DMD: variants seen among roughly 807,000 people sequenced by gnomAD.
The protein encoded by DMD is mutant dystrophin.
DMD carries 63 observed loss-of-function variants against 330.1 expected under a neutral mutation model. The observed-to-expected ratio is 0.19, with a 90% CI of 0.16 to 0.24. DMD has a LOEUF of 0.24. Ranked by LOEUF, DMD falls within the 10% of genes least tolerant of loss-of-function variation. DMD has a pLI of 1.00. For synonymous variants in DMD, 1,223 were observed against 959.8 expected (o/e 1.27, Z -5.07); for missense variants, 3,344 against 2,684.1 (o/e 1.25, Z -5.43).
intron 1 of DMD, among the ~76,000 whole-genome samples, chrX:33,107,095 T>G (rs1055773919): frequency 3.6e-5 from 4 of 111,926 alleles, no homozygotes; most frequent in Admixed American, 2.9e-4. Flanking sequence ...GCGGATCACC[T>G]GAGGTCAGGA....
intron 11 of DMD, among the ~76,000 whole-genome samples, chrX:32,630,094 T>A (rs1351175596): frequency 1.8e-5 from 2 of 112,026 alleles, no homozygotes; most frequent in Non-Finnish European, 3.8e-5. Context: ...AAGAACGCCC[T>A]TTACCATTTC....
intron 33 of DMD, among the ~76,000 whole-genome samples, chrX:32,382,817 TTTTTA>T (rs2097933911): frequency 9.0e-6 from 1 of 110,840 alleles, no homozygotes; most frequent in Non-Finnish European, 1.9e-5. Flanking sequence ...GCAGTATTGA[TTTTTA>T]TTTATTTCAT....
chrX:31,329,528 A>G (rs1031918026), intron 61 of DMD, among the ~76,000 whole-genome samples: 6 of 112,066 alleles, frequency 5.4e-5, no homozygotes, highest in African/African-American at 1.9e-4. Flanking sequence ...AGTGGTTGCC[A>G]GAAGACAGGG....
chrX:32,887,098 A>G (rs2084663877), intron 2 of DMD, among the ~76,000 whole-genome samples: 1 of 112,191 alleles, frequency 8.9e-6, no homozygotes, highest in African/African-American at 3.2e-5. Context: ...CTGTAATCCC[A>G]GCACTTTGGG....
chrX:33,029,591 C>T (rs2094070272), intron 1 of DMD, among the ~76,000 whole-genome samples: 2 of 112,011 alleles, frequency 1.8e-5, no homozygotes, highest in Non-Finnish European at 3.8e-5. Flanking sequence ...TCTCCCATTC[C>T]CTGCCACTTA....
intron 62 of DMD, among the ~76,000 whole-genome samples, chrX:31,302,190 A>G (rs1207806728): frequency 8.9e-6 from 1 of 111,934 alleles, no homozygotes; most frequent in African/African-American, 3.3e-5. Flanking sequence ...CTATTACGCT[A>G]TCTAAGATGC....
intron 74 of DMD, among the ~76,000 whole-genome samples, chrX:31,149,288 G>GCT (rs1315665032): frequency 5.4e-5 from 6 of 112,076 alleles, no homozygotes; most frequent in African/African-American, 1.9e-4. Context: ...ATACAGGTGT[G>GCT]CTTCTGAGCT....
intron 2 of DMD, among the ~76,000 whole-genome samples, chrX:32,958,673 G>A (rs763718353): frequency 9.0e-6 from 1 of 111,147 alleles, no homozygotes; most frequent in East Asian, 2.8e-4. Flanking sequence ...TTTGCAAATG[G>A]TATTTCTTAT....
chrX:31,848,813 A>T (rs2093470827), intron 48 of DMD, among the ~76,000 whole-genome samples: 1 of 110,559 alleles, frequency 9.0e-6, no homozygotes. Flanking sequence ...TCTCTTATTA[A>T]ATGGCATTAC....
intron 44 of DMD, among the ~76,000 whole-genome samples, chrX:32,032,924 G>A (rs1381906697): frequency 8.9e-6 from 1 of 112,059 alleles, no homozygotes; most frequent in Non-Finnish European, 1.9e-5. Context: ...AGTGCAGGAT[G>A]GAGTAAAGGA....
intron 62 of DMD, among the ~76,000 whole-genome samples, chrX:31,321,607 A>AAAAAGAAAGAAAG (rs1388525572): frequency 1.1e-5 from 1 of 89,284 alleles, no homozygotes; most frequent in Admixed American, 1.1e-4. Context: ...AAAAAAAAAA[A>AAAAAGAAAGAAAG]AAAGAAAGAA....
At chrX:33,104,499 C>T (rs1247022333) in intron 1 of DMD, among the ~76,000 whole-genome samples, 2 of 110,170 alleles carry the variant, frequency 1.8e-5, no homozygotes, top group South Asian at 3.9e-4. Flanking sequence ...AAAGCTCCCC[C>T]ACTGAGTACC....
At chrX:33,008,803 C>T (rs200320921) in intron 2 of DMD, among the ~76,000 whole-genome samples, 1 of 62,590 alleles carries the variant, frequency 1.6e-5, no homozygotes, top group African/African-American at 5.6e-5. Context: ...CGTATATATA[C>T]GTATATATAC....
intron 11 of DMD, chrX:32,641,659 G>C (rs370920091): frequency 1.3e-5 from 2 of 148,431 alleles, no homozygotes; most frequent in Middle Eastern, 1.4e-3. Context: ...TTTAACTTTT[G>C]TTATATCAAC....
chrX:31,279,963 C>A (rs1298507161), intron 62 of DMD, among the ~76,000 whole-genome samples: 1 of 112,494 alleles, frequency 8.9e-6, no homozygotes, highest in Non-Finnish European at 1.9e-5. Flanking sequence ...CTATGTTGTC[C>A]TTTACAGAAA....
At chrX:32,091,858 C>A (rs2096477082) in intron 44 of DMD, among the ~76,000 whole-genome samples, 1 of 110,863 alleles carries the variant, frequency 9.0e-6, no homozygotes, top group Admixed American at 9.6e-5. Flanking sequence ...AGTATAAGGG[C>A]TTGGGGGTTT....
intron 51 of DMD, among the ~76,000 whole-genome samples, chrX:31,765,862 A>C (rs892777895): frequency 9.0e-6 from 1 of 111,243 alleles, no homozygotes; most frequent in Non-Finnish European, 1.9e-5. Flanking sequence ...ACCTGACTCT[A>C]GAGTGCTTTG....
chrX:32,040,684 T>A (rs1305086377), intron 44 of DMD, among the ~76,000 whole-genome samples: 1 of 111,516 alleles, frequency 9.0e-6, no homozygotes, highest in Non-Finnish European at 1.9e-5. Context: ...CAAAGGCAGA[T>A]TCACTAAATT....
intron 1 of DMD, among the ~76,000 whole-genome samples, chrX:33,039,573 A>G (rs942921874): frequency 1.1e-3 from 119 of 111,790 alleles, no homozygotes; most frequent in African/African-American, 3.7e-3. Flanking sequence ...TCAGCTTTTC[A>G]TGACTTTTCC....
Sources: allele counts gnomAD v4.1 joint callset (sites outside exome capture counted in the v4.1 genomes callset), GRCh38; gene constraint gnomAD v4.1.1; transcripts MANE v1.5; gene names NCBI Gene and HGNC (gene_info 2026-07-23, HGNC 2026-07-21).